The following MARCHF6 variants were observed in gnomAD, a reference collection of about 807,000 sequenced individuals.
The protein encoded by MARCHF6 is membrane associated ring-CH-type finger 6.
A neutral mutation model predicts 133.7 loss-of-function variants in MARCHF6; 31 were observed. The ratio of observed to expected loss-of-function variants is 0.23; its 90% CI spans 0.17 to 0.31. The LOEUF (loss-of-function observed/expected upper bound fraction) is 0.31. Among genes scored for constraint, MARCHF6 ranks in the 10% least tolerant of loss-of-function variants. The pLI is 1.00. For synonymous variants in MARCHF6, 395 were observed against 402.5 expected (o/e 0.98, Z 0.22); for missense variants, 723 against 1,121.6 (o/e 0.64, Z 5.08).
chr5:10,382,643 A>G (rs1737228069), intron 4 of MARCHF6, among the ~76,000 whole-genome samples: 1 of 152,166 alleles, frequency 6.6e-6, no homozygotes, highest in African/African-American at 2.4e-5. Flanking sequence ...GCTGACCAAC[A>G]AGGTGAAACC....
At chr5:10,375,272 G>A (rs1736703841) in intron 1 of MARCHF6, among the ~76,000 whole-genome samples, 1 of 152,242 alleles carries the variant, frequency 6.6e-6, no homozygotes, top group South Asian at 2.1e-4. Flanking sequence ...GGCCCTGCCG[G>A]CCCAGGCAGT....
intron 10 of MARCHF6, among the ~76,000 whole-genome samples, chr5:10,400,520 C>G (rs1379578263): frequency 6.6e-6 from 1 of 152,042 alleles, no homozygotes; most frequent in African/African-American, 2.4e-5. Context: ...CAGTTTTGGT[C>G]ATTATTCTTT....
intron 22 of MARCHF6, among the ~76,000 whole-genome samples, chr5:10,418,760 C>T (rs1739673953): frequency 6.6e-6 from 1 of 152,270 alleles, no homozygotes; most frequent in Non-Finnish European, 1.5e-5. Context: ...GATTGTATCA[C>T]CCAGATGAAA....
chr5:10,392,814 C>A (rs1274611234), intron 7 of MARCHF6, among the ~76,000 whole-genome samples: 2 of 151,944 alleles, frequency 1.3e-5, no homozygotes, highest in Non-Finnish European at 2.9e-5. Context: ...CACTCACTTC[C>A]CCTCCTCCCT....
rs1737845410 is a variant in MARCHF6 at position 10,391,551 on chromosome 5, G to A, written c.586G>A (p.Gly196Arg). 2.5e-6 allele frequency: 4 copies of A among 1,606,920 alleles called. No homozygotes were observed. Among genetic ancestry groups the A allele is most frequent in the Non-Finnish European group, 3.4e-6 (4 of 1,176,816 alleles). ...AGHHQNEAPA[G>R]GNGAENVAAD... is the part of the protein sequence containing the mutation. ...TTTTCTGTGATTTTAGGCTCCAGCAGGAGGAAATGGTGCAGAAAATGTTGC... is the reference window on the plus strand; with the variant it reads ...TTTTCTGTGATTTTAGGCTCCAGCAAGAGGAAATGGTGCAGAAAATGTTGC... The change falls in exon 7 of 26, where the codon GGA becomes AGA. Residue 196 changes from glycine to arginine, a missense_variant. Physicochemically the swap from Gly to Arg is moderately radical, Grantham distance 125. Transcript: ENST00000274140.
At chr5:10,369,819 C>T (rs1268433509) in intron 1 of MARCHF6, among the ~76,000 whole-genome samples, 1 of 152,054 alleles carries the variant, frequency 6.6e-6, no homozygotes, top group Non-Finnish European at 1.5e-5. Context: ...GCATGTATCA[C>T]TAGTTCATTT....
chr5:10,430,574 G>T (rs372474716), intron 25 of MARCHF6, among the ~76,000 whole-genome samples: 1 of 152,176 alleles, frequency 6.6e-6, no homozygotes, highest in Non-Finnish European at 1.5e-5. Context: ...AAAGTGTTGG[G>T]ATTACAGGTG....
intron 1 of MARCHF6, among the ~76,000 whole-genome samples, chr5:10,369,856 A>G (rs551564067): frequency 6.6e-6 from 1 of 152,190 alleles, no homozygotes; most frequent in Admixed American, 6.5e-5. Context: ...ATTTTATTGT[A>G]GGGATGTACC....
At chr5:10,364,387 A>C (rs1736003145) in intron 1 of MARCHF6, among the ~76,000 whole-genome samples, 1 of 152,164 alleles carries the variant, frequency 6.6e-6, no homozygotes, top group South Asian at 2.1e-4. Flanking sequence ...TTGGGTCCTC[A>C]TCAGCAGGGC....
intron 1 of MARCHF6, among the ~76,000 whole-genome samples, chr5:10,360,686 A>G (rs1735769952): frequency 6.6e-6 from 1 of 152,192 alleles, no homozygotes; most frequent in African/African-American, 2.4e-5. Flanking sequence ...GGAAGCTACA[A>G]TCTCACTGGC....
chr5:10,402,242 T>C, intron 12 of MARCHF6, 103 bp downstream of exon 12: 1 of 1,078,818 alleles, frequency 9.3e-7, no homozygotes, highest in Non-Finnish European at 1.4e-6. Context: ...TTAGTAAAAG[T>C]TGTAGGTATT....
At chr5:10,402,291 T>A in intron 12 of MARCHF6, 93 bp from the exon 13 acceptor site, 1 of 1,255,558 alleles carries the variant, frequency 8.0e-7, no homozygotes, top group Non-Finnish European at 1.2e-6. Context: ...TGAAATAAAT[T>A]AATTCTGTCA....
chr5:10,430,923 C>T (rs1202079584), intron 25 of MARCHF6, among the ~76,000 whole-genome samples: 2 of 152,114 alleles, frequency 1.3e-5, no homozygotes, highest in African/African-American at 2.4e-5. Context: ...CCTTTATGTC[C>T]GAACTGTAGG....
At chr5:10,416,988 C>T (rs1444445140) in intron 21 of MARCHF6, among the ~76,000 whole-genome samples, 1 of 152,194 alleles carries the variant, frequency 6.6e-6, no homozygotes, top group Non-Finnish European at 1.5e-5. Flanking sequence ...GGTGGGCCAC[C>T]GTTGGAGCAG....
At chr5:10,380,332 AT>A (rs1176081754) in intron 3 of MARCHF6, among the ~76,000 whole-genome samples, 2 of 152,120 alleles carry the variant, frequency 1.3e-5, no homozygotes, top group African/African-American at 4.8e-5. Flanking sequence ...CAATTCTGTT[AT>A]TTTGTAGTCA....
At chr5:10,378,672 C>T (rs1424317639) in intron 2 of MARCHF6, 87 bp from the exon 3 acceptor site, 2 of 854,410 alleles carry the variant, frequency 2.3e-6, no homozygotes, top group African/African-American at 1.7e-5. Flanking sequence ...GTGATATATA[C>T]ATTTTTAATA....
intron 1 of MARCHF6, among the ~76,000 whole-genome samples, chr5:10,358,461 G>GA (rs1413164000): frequency 3.3e-5 from 5 of 152,106 alleles, no homozygotes; most frequent in Non-Finnish European, 5.9e-5. Context: ...AAAATACTTG[G>GA]AAAAAAATAG....
Position 10,415,662 on chromosome 5 carries a change from C to T in MARCHF6, c.2141C>T (p.Ser714Phe), listed in dbSNP as rs768466015. Residue 714 changes from serine to phenylalanine, a missense_variant, in exon 21 of 26, where the codon TCT becomes TTT. This residue lies in a region of MARCHF6 where 492 missense variants were observed against 699.5 expected (regional missense o/e 0.70). Transcript: ENST00000274140. Reference sequence around the variant, plus strand: ...ATCTTCCAGAAGGTTAAAGAGTGGTCTCTCATGGTATGTGTGTGTAATACA... The same window carrying T: ...ATCTTCCAGAAGGTTAAAGAGTGGTTTCTCATGGTATGTGTGTGTAATACA... ...RVIFQKVKEW[S>F]LMIMKTLIVA... 29 of 1,613,578 alleles carry T rather than the reference C, an allele frequency of 1.8e-5. No individual in the cohort carries two copies. In the African/African-American group the frequency reaches 3.6e-4, roughly 20 times the overall value.
chr5:10,439,905 C>G lies in MARCHF6; in HGVS notation c.*6221C>G, dbSNP rs574071734. On this transcript the variant is annotated 3_prime_UTR_variant, in exon 26 of 26. Coordinates refer to ENST00000274140, the MANE Select transcript of MARCHF6 (RefSeq NM_005885.4). ...TCAGGCCTTCGTGCCTTTGCACTTA[C>G]TATTTGCAATACCCAAATGTTCTTC... is the stretch of plus-strand genomic sequence containing the variant. 2 of 152,480 alleles carry G rather than the reference C, an allele frequency of 1.3e-5. No homozygotes were observed. Among genetic ancestry groups the G allele is most frequent in the East Asian group, 3.9e-4 (2 of 5,192 alleles). The allele number at this position is 152,480 out of a possible 1,614,324, so 9.4% of individuals were successfully genotyped here.
Sources: gnomAD v4.1 joint callset for allele counts (sites outside exome capture counted in the v4.1 genomes callset) on GRCh38, gnomAD v4.1.1 for gene constraint, gnomAD v4.1.1 regional missense constraint, MANE v1.5 for transcripts, NCBI Gene and HGNC (gene_info 2026-07-23, HGNC 2026-07-21) for gene names.